IGFL2: variants seen among roughly 807,000 people sequenced by gnomAD.
IGFL2 encodes the protein IGF like family member 2, also known as insulin growth factor-like family member 2.
In IGFL2, 7 loss-of-function variants were observed where a neutral mutation model predicts 13.9. The ratio of observed to expected loss-of-function variants is 0.51; its 90% CI spans 0.29 to 0.95. The LOEUF (loss-of-function observed/expected upper bound fraction) is 0.95, where lower values mean the gene tolerates loss of function less well. Among genes scored for constraint, IGFL2 ranks in the 40% least tolerant of loss-of-function variants. IGFL2 has a pLI of 0.08. For synonymous variants in IGFL2, 55 were observed against 55.8 expected (o/e 0.99, Z 0.07); for missense variants, 138 against 147.8 (o/e 0.93, Z 0.34).
chr19:46,153,547 A>G (rs1328886945), intron 1 of IGFL2, among the ~76,000 whole-genome samples: 2 of 152,106 alleles, frequency 1.3e-5, no homozygotes, highest in Non-Finnish European at 2.9e-5. Flanking sequence ...TTTCCCAGCA[A>G]TACAATTATG....
the IGFL2 span, among the ~76,000 whole-genome samples, chr19:46,096,107 G>C: frequency 6.6e-6 from 1 of 152,032 alleles, no homozygotes; most frequent in Admixed American, 6.6e-5. Flanking sequence ...AAATTACTTT[G>C]GGCAGTATGG....
At chr19:46,102,051 A>G in the IGFL2 span, among the ~76,000 whole-genome samples, 1 of 152,180 alleles carries the variant, frequency 6.6e-6, no homozygotes, top group African/African-American at 2.4e-5. Context: ...GCTGGAAGGA[A>G]TGTGCTCTGG....
chr19:46,153,959 G>C (rs1324037854), intron 1 of IGFL2, among the ~76,000 whole-genome samples: 2 of 151,856 alleles, frequency 1.3e-5, no homozygotes, highest in African/African-American at 4.8e-5. Context: ...CATGCATTAG[G>C]TATTTGTCCT....
the IGFL2 span, among the ~76,000 whole-genome samples, chr19:46,084,369 T>C: frequency 6.6e-6 from 1 of 152,238 alleles, no homozygotes; most frequent in African/African-American, 2.4e-5. Context: ...CTGGTTGATC[T>C]GTCCATTGCT....
chr19:46,144,280 A>G (rs1356716860), upstream of IGFL2, among the ~76,000 whole-genome samples: 9 of 152,248 alleles, frequency 5.9e-5, no homozygotes, highest in African/African-American at 1.9e-4. Context: ...TAAATGTGTC[A>G]TGAAATGTTA....
the IGFL2 span, among the ~76,000 whole-genome samples, chr19:46,172,693 A>G: frequency 6.6e-6 from 1 of 152,196 alleles, no homozygotes; most frequent in Non-Finnish European, 1.5e-5. Context: ...AGATATTTAT[A>G]TAATCTTCCT....
the IGFL2 span, among the ~76,000 whole-genome samples, chr19:46,082,700 T>C: frequency 6.6e-6 from 1 of 151,902 alleles, no homozygotes; most frequent in African/African-American, 2.4e-5. Flanking sequence ...CATGGCTCAC[T>C]GCAGCCTTGA....
intron 1 of IGFL2, chr19:46,148,680 C>T (rs1212214671): frequency 3.5e-6 from 2 of 566,454 alleles, no homozygotes; most frequent in African/African-American, 3.8e-5. Flanking sequence ...TTTTTGAACT[C>T]CTGGGCTCAG....
upstream of IGFL2, among the ~76,000 whole-genome samples, chr19:46,147,380 C>CA (rs1157705403): frequency 6.6e-6 from 1 of 152,168 alleles, no homozygotes; most frequent in Non-Finnish European, 1.5e-5. Context: ...TACCCTCTCC[C>CA]AAACCAGAGT....
intron 1 of IGFL2, among the ~76,000 whole-genome samples, chr19:46,155,117 G>A (rs1973743816): frequency 6.6e-6 from 1 of 152,306 alleles, no homozygotes; most frequent in African/African-American, 2.4e-5. Flanking sequence ...GATCAGTGAA[G>A]CCCAGTGTGC....
chr19:46,143,876 C>CA (rs2146813013), upstream of IGFL2, among the ~76,000 whole-genome samples: 1 of 152,346 alleles, frequency 6.6e-6, no homozygotes, highest in South Asian at 2.1e-4. Flanking sequence ...CACATTCCCT[C>CA]ACTCAGACCC....
At chr19:46,079,478 C>CA in the IGFL2 span, among the ~76,000 whole-genome samples, 1 of 152,186 alleles carries the variant, frequency 6.6e-6, no homozygotes, top group Non-Finnish European at 1.5e-5. Flanking sequence ...CGGATTGGAG[C>CA]CTGTTTGCAC....
chr19:46,192,988 GA>G, the IGFL2 span, among the ~76,000 whole-genome samples: 22,804 of 151,592 alleles, frequency 0.15, 1,918 homozygotes, highest in Non-Finnish European at 0.18. Context: ...TCAGGAGTTC[GA>G]GACCAGCCTG....
chr19:46,079,550 A>T, the IGFL2 span, among the ~76,000 whole-genome samples: 1 of 152,064 alleles, frequency 6.6e-6, no homozygotes, highest in Non-Finnish European at 1.5e-5. Context: ...CCTGGCCATG[A>T]TCCCCCAGCC....
chr19:46,192,421 T>C, the IGFL2 span, among the ~76,000 whole-genome samples: 92 of 151,928 alleles, frequency 6.1e-4, no homozygotes, highest in South Asian at 0.019. Context: ...CTCATTCTTT[T>C]GCTTTTTTTT....
chr19:46,179,349 G>C, the IGFL2 span: 3 of 149,588 alleles, frequency 2.0e-5, no homozygotes, highest in Admixed American at 1.4e-4. Flanking sequence ...CATAGGGTGG[G>C]GGGGGTCTGT....
the IGFL2 span, among the ~76,000 whole-genome samples, chr19:46,182,095 G>C: frequency 2.0e-5 from 3 of 152,026 alleles, no homozygotes; most frequent in African/African-American, 7.3e-5. Flanking sequence ...TGGACCAGGC[G>C]CAGTGGCTCA....
At chr19:46,090,198 G>A in the IGFL2 span, among the ~76,000 whole-genome samples, 2 of 152,062 alleles carry the variant, frequency 1.3e-5, no homozygotes, top group Non-Finnish European at 2.9e-5. Flanking sequence ...TTCTGTTTGA[G>A]TTTTTTAAAA....
the IGFL2 span, among the ~76,000 whole-genome samples, chr19:46,175,409 A>G: frequency 6.6e-6 from 1 of 152,216 alleles, no homozygotes; most frequent in Non-Finnish European, 1.5e-5. Flanking sequence ...TCACTCTACA[A>G]TGCCTCCATG....
Sources: allele counts gnomAD v4.1 joint callset (sites outside exome capture counted in the v4.1 genomes callset), GRCh38; gene constraint gnomAD v4.1.1; transcripts MANE v1.5; gene names NCBI Gene and HGNC (gene_info 2026-07-23, HGNC 2026-07-21).